RYR2: variants seen among roughly 807,000 people sequenced by gnomAD.
RYR2 encodes cardiac muscle ryanodine receptor-calcium release channel.
Under a neutral mutation model 601.1 loss-of-function variants are expected in RYR2, and 227 were observed. The observed-to-expected ratio is 0.38, with a 90% CI of 0.34 to 0.42. RYR2 has a LOEUF of 0.42. Among genes scored for constraint, RYR2 ranks in the 10% least tolerant of loss-of-function variants. RYR2 has a pLI of 1.00. For missense variants in RYR2, 4,646 were observed against 6,156.5 expected (o/e 0.75, Z 8.21); for synonymous variants, 2,223 against 2,175.1 (o/e 1.02, Z -0.61).
rs1235379196 is a variant in RYR2, at chr1:237,792,171, G to A, written c.13630G>A (p.Val4544Met). Residue 4544 changes from valine to methionine, a missense_variant, in exon 94 of 105, where the codon GTG (valine) becomes ATG (methionine). Physicochemically the swap from Val to Met is conservative, Grantham distance 21. Around this residue, in one of 17 missense-constraint regions of RYR2, gnomAD observed 364 missense variants for 442.9 expected, o/e 0.82. Transcript: ENST00000366574. Reference protein sequence around the residue: ...PTRSSSENAKVTSLDSSSHRI... With the variant: ...PTRSSSENAKMTSLDSSSHRI... ...GAGAAGTTCAAGTGAAAATGCCAAA[G>A]TGACAAGCCTGGACAGCAGCTCCCA... 12 of 1,612,718 alleles carry A rather than the reference G, an allele frequency of 7.4e-6. No individual in the cohort carries two copies. The highest frequency in any genetic ancestry group is 1.0e-5 in the Non-Finnish European group (12 of 1,179,350).
chr1:237,577,437 AT>A (rs771112477), intron 29 of RYR2, among the ~76,000 whole-genome samples: 2 of 151,718 alleles, frequency 1.3e-5, no homozygotes, highest in Non-Finnish European at 2.9e-5. Flanking sequence ...ATTAACCTGG[AT>A]TATCTGGGAA....
chr1:237,332,642 TA>T (rs1696859559), intron 3 of RYR2, among the ~76,000 whole-genome samples: 1 of 152,326 alleles, frequency 6.6e-6, no homozygotes, highest in South Asian at 2.1e-4. Context: ...CATTAGCATT[TA>T]AAAAATGCAT....
At chr1:237,362,974 T>C (rs1224824929) in intron 4 of RYR2, among the ~76,000 whole-genome samples, 1 of 152,130 alleles carries the variant, frequency 6.6e-6, no homozygotes, top group Non-Finnish European at 1.5e-5. Context: ...GGCTGACCAC[T>C]CTTTTTTTTG....
chr1:237,416,269 T>G (rs964611931), intron 10 of RYR2, among the ~76,000 whole-genome samples: 3 of 152,262 alleles, frequency 2.0e-5, no homozygotes, highest in Non-Finnish European at 4.4e-5. Flanking sequence ...GGCTTTCATG[T>G]GTTTACATAA....
intron 12 of RYR2, among the ~76,000 whole-genome samples, chr1:237,436,454 C>CTTTTTTTTTCTTTTTTTTTTTTTTTTT (rs1707370759): frequency 2.1e-5 from 1 of 48,730 alleles, no homozygotes; most frequent in Non-Finnish European, 3.5e-5. Flanking sequence ...TGTGATTTTC[C>CTTTTTTTTTCTTTTTTTTTTTTTTTTT]TTTTTTTTTT....
At chr1:237,731,925 A>C in intron 77 of RYR2, 121 bp from the exon 78 acceptor site, 1 of 343,918 alleles carries the variant, frequency 2.9e-6, no homozygotes, top group Non-Finnish European at 5.2e-6. Flanking sequence ...CACACCCCAC[A>C]ACAGGGAAGG....
At chr1:237,162,020 C>T (rs778315837) in intron 1 of RYR2, among the ~76,000 whole-genome samples, 7 of 152,096 alleles carry the variant, frequency 4.6e-5, no homozygotes, top group Non-Finnish European at 1.0e-4. Flanking sequence ...CAGCCTCTAG[C>T]TCTGTGTGGA....
intron 97 of RYR2, among the ~76,000 whole-genome samples, chr1:237,799,704 T>C (rs1017963543): frequency 6.6e-6 from 1 of 152,246 alleles, no homozygotes; most frequent in African/African-American, 2.4e-5. Context: ...CCGATTTCTA[T>C]ATGAACGCTA....
At chr1:237,640,846 A>G in intron 46 of RYR2, 51 bp from the exon 47 acceptor site, 1 of 1,423,744 alleles carries the variant, frequency 7.0e-7, no homozygotes, top group East Asian at 2.3e-5. Context: ...ATAAACATGA[A>G]ATGTCAGTTA....
intron 1 of RYR2, chr1:237,120,821 T>G (rs1007442506): frequency 6.6e-5 from 10 of 152,232 alleles, no homozygotes; most frequent in African/African-American, 2.4e-4. Flanking sequence ...GTGGGAGCAA[T>G]CTGTGTGGTA....
chr1:237,143,120 A>G (rs1673573960), intron 1 of RYR2, among the ~76,000 whole-genome samples: 1 of 152,356 alleles, frequency 6.6e-6, no homozygotes, highest in South Asian at 2.1e-4. Context: ...GCCAGGGCAC[A>G]AAAGTACCTG....
intron 2 of RYR2, among the ~76,000 whole-genome samples, chr1:237,277,743 C>T (rs1276203344): frequency 1.3e-5 from 2 of 152,092 alleles, no homozygotes; most frequent in African/African-American, 4.8e-5. Context: ...TTGCTTGAGC[C>T]TAACAGTTTG....
At position 237,649,901 on chromosome 1, in the gene RYR2, G is replaced by T. The variant is rs1682554861; in HGVS notation, c.7537G>T (p.Ala2513Ser). 1 of 1,613,884 alleles carries T rather than the reference G, an allele frequency of 6.2e-7. No homozygotes were observed. Among genetic ancestry groups the T allele is most frequent in the Non-Finnish European group, 8.5e-7 (1 of 1,179,878 alleles). ...DTAALSATDMALALNRYLCTA... is the reference protein window; with the variant it reads ...DTAALSATDMSLALNRYLCTA... ...GGCAGCTTTGAGTGCTACAGACATG[G>T]CCTTGGCCCTCAATCGGTACCTTTG... The change falls in exon 50 of 105, where the codon GCC becomes TCC. Residue 2513 changes from alanine to serine, a missense_variant. Ala to Ser is a moderately conservative substitution (Grantham distance 99, BLOSUM62 1). Coordinates refer to ENST00000366574, the MANE Select transcript of RYR2 (RefSeq NM_001035.3).
intron 63 of RYR2, among the ~76,000 whole-genome samples, chr1:237,691,935 C>T (rs1686979583): frequency 6.6e-6 from 1 of 152,180 alleles, no homozygotes; most frequent in South Asian, 2.1e-4. Flanking sequence ...AGAAACAGTG[C>T]TTTGATTCCC....
At chr1:237,779,930 A>T in intron 88 of RYR2, among the ~76,000 whole-genome samples, 1 of 151,930 alleles carries the variant, frequency 6.6e-6, no homozygotes, top group African/African-American at 2.4e-5. Context: ...CATTGGTGTA[A>T]ATGTGATTAG....
intron 1 of RYR2, among the ~76,000 whole-genome samples, chr1:237,141,284 G>C (rs1183132702): frequency 6.6e-6 from 1 of 152,192 alleles, no homozygotes; most frequent in Non-Finnish European, 1.5e-5. Flanking sequence ...TGTGTTTGCT[G>C]TAGGATTTTG....
At chr1:237,759,702 T>A in intron 82 of RYR2, 74 bp from the exon 83 acceptor site, 1 of 889,832 alleles carries the variant, frequency 1.1e-6, no homozygotes, top group Non-Finnish European at 1.9e-6. Context: ...GGAAAGCCTG[T>A]TTTGGTTGTT....
chr1:237,329,994 G>A (rs569540005), intron 2 of RYR2, among the ~76,000 whole-genome samples: 1 of 152,254 alleles, frequency 6.6e-6, no homozygotes, highest in African/African-American at 2.4e-5. Context: ...TTGTGGATAA[G>A]GAGAAACCTG....
intron 29 of RYR2, among the ~76,000 whole-genome samples, chr1:237,589,377 AAGG>A (rs1417846714): frequency 6.6e-6 from 1 of 152,140 alleles, no homozygotes; most frequent in African/African-American, 2.4e-5. Flanking sequence ...CTTTAGCCAG[AAGG>A]AGGAGCAAGG....
Sources: allele counts gnomAD v4.1 joint callset (sites outside exome capture counted in the v4.1 genomes callset), GRCh38; gene constraint gnomAD v4.1.1; regional missense constraint gnomAD v4.1.1; transcripts MANE v1.5; gene names NCBI Gene and HGNC (gene_info 2026-07-23, HGNC 2026-07-21).